Variants in EVI5 observed in about 807,000 individuals in gnomAD.
EVI5 encodes the protein ecotropic viral integration site 5 protein homolog.
In EVI5, 73 loss-of-function variants were observed where a neutral mutation model predicts 112.0. The observed-to-expected ratio is 0.65, with a 90% CI of 0.54 to 0.79. The LOEUF (loss-of-function observed/expected upper bound fraction) is 0.79. EVI5 is among the 30% of genes least tolerant of loss of function. The probability of loss-of-function intolerance (pLI) is 0.00; values close to 1 mark genes in which losing one functional copy is unlikely to be tolerated. For missense variants in EVI5, 900 were observed against 968.8 expected, an observed-to-expected ratio of 0.93 and a Z score of 0.94; for synonymous variants, 305 against 319.9, an observed-to-expected ratio of 0.95 and a Z score of 0.50.
intron 2 of EVI5, among the ~76,000 whole-genome samples, chr1:92,722,930 A>G (rs1006295220): frequency 2.6e-5 from 4 of 152,222 alleles, no homozygotes; most frequent in Admixed American, 6.5e-5. Flanking sequence ...TGAGAGCCAA[A>G]GAAAACCTTT....
intron 1 of EVI5, among the ~76,000 whole-genome samples, chr1:92,742,502 A>G (rs1389602371): frequency 1.3e-5 from 2 of 151,722 alleles, no homozygotes; most frequent in Admixed American, 6.6e-5. Context: ...GAGAAACCCC[A>G]TCTCTACTAA....
intron 18 of EVI5, among the ~76,000 whole-genome samples, chr1:92,591,181 A>G (rs1259728737): frequency 3.3e-5 from 5 of 152,182 alleles, no homozygotes; most frequent in East Asian, 1.9e-4. Flanking sequence ...AAAGACCATC[A>G]AGGCTAGGAA....
chr1:92,733,110 A>G (rs970819916), intron 2 of EVI5: 9 of 223,442 alleles, frequency 4.0e-5, no homozygotes, highest in African/African-American at 1.8e-4. Flanking sequence ...GTTGTGTCAC[A>G]TTACTTCAGG....
chr1:92,565,818 C>T (rs914619970), intron 18 of EVI5, among the ~76,000 whole-genome samples: 1 of 151,478 alleles, frequency 6.6e-6, no homozygotes, highest in African/African-American at 2.4e-5. Context: ...AAAATACAAA[C>T]GATTAGCCGG....
chr1:92,655,962 T>C (rs1351440349), intron 13 of EVI5, among the ~76,000 whole-genome samples: 1 of 151,902 alleles, frequency 6.6e-6, no homozygotes, highest in Non-Finnish European at 1.5e-5. Flanking sequence ...AAAACAATAA[T>C]AGAGAAGGAC....
rs1659310077 is a variant in EVI5 at position 92,513,247 on chromosome 1, C to CA, written c.*408dup. 1 of 150,980 alleles carries CA rather than the reference C, an allele frequency of 6.6e-6. No individual in the cohort carries two copies. Among genetic ancestry groups the CA allele is most frequent in the Non-Finnish European group, 1.5e-5 (1 of 67,772 alleles). 9.4% of individuals were successfully genotyped at this position (150,980 alleles called of 1,614,324 possible). ...GCCACCTTGAGAACAAATTGATAAA[C>CA]ATAAATACACAATTTGCTCACTGAG... On this transcript the variant is annotated 3_prime_UTR_variant, in exon 20 of 20. Transcript: ENST00000684568.
chr1:92,774,159 T>C (rs1683816507), intron 1 of EVI5: 1 of 152,214 alleles, frequency 6.6e-6, no homozygotes, highest in Admixed American at 6.5e-5. Context: ...TCAAAGACAT[T>C]ACATTATTCA....
upstream of EVI5, chr1:92,785,124 G>A (rs553672565): frequency 1.6e-4 from 154 of 985,364 alleles, no homozygotes; most frequent in Admixed American, 1.2e-3. Flanking sequence ...GCAGGCGCGG[G>A]AGGGCCTTAA....
At chr1:92,679,296 A>C (rs1437533395) in intron 9 of EVI5, among the ~76,000 whole-genome samples, 1 of 152,204 alleles carries the variant, frequency 6.6e-6, no homozygotes, top group African/African-American at 2.4e-5. Context: ...TAGTGTCAAA[A>C]AGGCTGGGGA....
chr1:92,589,215 A>G (rs1245772159), intron 18 of EVI5, among the ~76,000 whole-genome samples: 1 of 152,194 alleles, frequency 6.6e-6, no homozygotes, highest in Non-Finnish European at 1.5e-5. Context: ...AGATTCCTGC[A>G]TTTCCAACTG....
intron 1 of EVI5, among the ~76,000 whole-genome samples, chr1:92,782,864 G>A (rs138021658): frequency 1.1e-3 from 173 of 152,180 alleles, no homozygotes; most frequent in African/African-American, 4.0e-3. Flanking sequence ...CTGCCGCTCA[G>A]GCTGGAGTGC....
At position 92,740,308 on chromosome 1, in the gene EVI5, T is replaced by C. The variant is rs896996367; in HGVS notation, c.-81-3681A>G. Among the ~76,000 whole-genome samples the C allele has an allele frequency of 5.9e-5, 9 of 152,348 alleles. 1 individual carries two copies. The highest frequency in any genetic ancestry group is 3.9e-4 in the Admixed American group (6 of 15,298). On this transcript the variant is annotated intron_variant, in intron 1 of 19. Coordinates refer to ENST00000684568, the MANE Select transcript of EVI5 (RefSeq NM_001350197.2). ...GAAGCTCAAACACTTTCAAGGGCTATTGAGGACTAAGAGACTTTTCCACCA... is the reference window on the plus strand; with the variant it reads ...GAAGCTCAAACACTTTCAAGGGCTACTGAGGACTAAGAGACTTTTCCACCA...
At chr1:92,698,150 A>C (rs1391789426) in intron 5 of EVI5, among the ~76,000 whole-genome samples, 165 bp from the exon 6 acceptor site, 13 of 152,212 alleles carry the variant, frequency 8.5e-5, no homozygotes, top group African/African-American at 3.1e-4. Flanking sequence ...CTAGTCTCCC[A>C]TTCTATCACC....
intron 17 of EVI5, among the ~76,000 whole-genome samples, chr1:92,606,886 T>TCACACACACACACACACAAA (rs1650508539): frequency 1.5e-5 from 1 of 66,342 alleles, no homozygotes; most frequent in Admixed American, 1.8e-4. Context: ...TTTAGTTATT[T>TCACACACACACACACACAAA]CACACACACA....
chr1:92,598,073 G>A (rs893684548), intron 18 of EVI5, among the ~76,000 whole-genome samples: 2 of 152,022 alleles, frequency 1.3e-5, no homozygotes, highest in Non-Finnish European at 2.9e-5. Context: ...ACAGAGGCTC[G>A]TTCTGTCACC....
intron 2 of EVI5, among the ~76,000 whole-genome samples, chr1:92,722,504 C>T (rs1674922686): frequency 7.0e-6 from 1 of 143,520 alleles, no homozygotes; most frequent in Non-Finnish European, 1.5e-5. Context: ...TGTGATGTTC[C>T]CCTTCCTGTG....
chr1:92,624,457 T>A, intron 15 of EVI5, 123 bp from the exon 16 acceptor site: 1 of 759,970 alleles, frequency 1.3e-6, no homozygotes. Flanking sequence ...TTTTATTTAA[T>A]CCCTAGAAAA....
At chr1:92,608,017 G>T (rs569276553) in intron 16 of EVI5, among the ~76,000 whole-genome samples, 3 of 151,918 alleles carry the variant, frequency 2.0e-5, no homozygotes, top group African/African-American at 7.2e-5. Context: ...CAGGCATGGT[G>T]GCGGGCACCT....
intron 18 of EVI5, among the ~76,000 whole-genome samples, chr1:92,603,889 G>GT (rs1192022578): frequency 2.0e-5 from 3 of 151,862 alleles, no homozygotes; most frequent in Non-Finnish European, 4.4e-5. Context: ...TGCACCACCA[G>GT]GTCCAACTAA....
Sources: gnomAD v4.1 joint callset for allele counts (sites outside exome capture counted in the v4.1 genomes callset) on GRCh38, gnomAD v4.1.1 for gene constraint, MANE v1.5 for transcripts, NCBI Gene and HGNC (gene_info 2026-07-23, HGNC 2026-07-21) for gene names.